OSBPL10: variants seen among roughly 807,000 people sequenced by gnomAD.
OSBPL10 encodes the protein oxysterol-binding protein-related protein 10.
OSBPL10 carries 49 observed loss-of-function variants against 81.7 expected under a neutral mutation model. That is an observed-to-expected ratio of 0.60 (90% CI 0.48 to 0.76). OSBPL10 has a LOEUF of 0.76. OSBPL10 is among the 30% of genes least tolerant of loss of function. OSBPL10 has a pLI of 0.00. For synonymous variants in OSBPL10, 419 were observed against 383.6 expected, an observed-to-expected ratio of 1.09 and a Z score of -1.08; for missense variants, 923 against 987.8, an observed-to-expected ratio of 0.93 and a Z score of 0.88.
intron 6 of OSBPL10, among the ~76,000 whole-genome samples, chr3:31,729,362 G>A (rs559318871): frequency 6.6e-6 from 1 of 152,228 alleles, no homozygotes; most frequent in East Asian, 1.9e-4. Context: ...TTTGATATGG[G>A]AATTAGGTGC....
chr3:31,865,634 A>G (rs1210218472), intron 3 of OSBPL10, among the ~76,000 whole-genome samples: 3 of 152,194 alleles, frequency 2.0e-5, no homozygotes, highest in Admixed American at 2.0e-4. Flanking sequence ...TATCCAGTCT[A>G]TGGTAGCTTG....
Position 32,007,732 on chromosome 3 carries a change from G to A in OSBPL10, n.298+38759C>T, listed in dbSNP as rs540373885. On this transcript the variant is annotated intron_variant and non_coding_transcript_variant, in intron 2 of 3. Coordinates refer to the OSBPL10 transcript ENST00000479173. Reference sequence around the variant, plus strand: ...TTCTTTCTTTTTTTTTTGAGACAGAGTTTTGCTCTTGTTGCCCAGGCTAGA... The same window carrying A: ...TTCTTTCTTTTTTTTTTGAGACAGAATTTTGCTCTTGTTGCCCAGGCTAGA... 5.3e-5 allele frequency among the ~76,000 whole-genome samples: 8 copies of A among 151,896 alleles called. No individual in the cohort carries two copies. In the South Asian group the frequency reaches 1.7e-3, roughly 32 times the overall value.
chr3:31,892,821 T>C (rs988828253), intron 1 of OSBPL10, among the ~76,000 whole-genome samples: 2 of 152,182 alleles, frequency 1.3e-5, no homozygotes, highest in African/African-American at 4.8e-5. Context: ...TCCACTGGCC[T>C]GAGGTTGCTG....
At chr3:32,077,048 T>C (rs1019891806) in intron 1 of OSBPL10, among the ~76,000 whole-genome samples, 13 of 152,196 alleles carry the variant, frequency 8.5e-5, no homozygotes, top group African/African-American at 2.9e-4. Flanking sequence ...TTGGCCAATT[T>C]GTTAGCCCTA....
At chr3:31,801,922 A>G (rs1699391207) in intron 4 of OSBPL10, among the ~76,000 whole-genome samples, 1 of 151,960 alleles carries the variant, frequency 6.6e-6, no homozygotes, top group Non-Finnish European at 1.5e-5. Context: ...TCCAGGATTC[A>G]AGCAAATTCT....
At chr3:31,760,381 G>A (rs966879293) in intron 4 of OSBPL10, among the ~76,000 whole-genome samples, 1 of 152,158 alleles carries the variant, frequency 6.6e-6, no homozygotes, top group Non-Finnish European at 1.5e-5. Flanking sequence ...TTGGTTCCAG[G>A]ACTCCGCCTG....
chr3:31,681,943 C>T (rs191385163), intron 8 of OSBPL10, among the ~76,000 whole-genome samples: 34 of 152,282 alleles, frequency 2.2e-4, no homozygotes, highest in African/African-American at 7.7e-4. Context: ...TCAAAGTAGC[C>T]CAATACCCAG....
chr3:31,716,993 T>C (rs3792546), intron 6 of OSBPL10: 84,437 of 152,020 alleles, frequency 0.56, 25,995 homozygotes, highest in African/African-American at 0.83. Flanking sequence ...AAGGAAATAA[T>C]CAGGAGCATC....
At chr3:31,902,298 T>C (rs1696269179) in intron 1 of OSBPL10, among the ~76,000 whole-genome samples, 1 of 146,808 alleles carries the variant, frequency 6.8e-6, no homozygotes, top group Non-Finnish European at 1.5e-5. Flanking sequence ...AGTCCCACTC[T>C]GTCGCCCAGG....
rs769531173 is a variant in OSBPL10 at position 31,879,691 on chromosome 3, C to G, written c.421G>C (p.Val141Leu). The G allele has an allele frequency of 6.2e-7, 1 of 1,614,126 alleles. No homozygotes were observed. Among genetic ancestry groups the G allele is most frequent in the Non-Finnish European group, 8.5e-7 (1 of 1,180,016 alleles). Reference sequence around the variant, plus strand: ...AACATCTCTCCATTAGCAGAGTACACCACCAGCATGTGGGGAGCTTCATCG... The same window carrying G: ...AACATCTCTCCATTAGCAGAGTACAGCACCAGCATGTGGGGAGCTTCATCG... ...LSDEAPHMLV[V>L]YSANGEMFKL... The change falls in exon 2 of 12, where the codon GTG (valine) becomes CTG (leucine). Residue 141 changes from valine to leucine, a missense_variant. Val to Leu is a conservative substitution (Grantham distance 32). This residue lies in a region of OSBPL10 where 514 missense variants were observed against 508.0 expected (regional missense o/e 1.01). Coordinates refer to ENST00000396556, the MANE Select transcript of OSBPL10 (RefSeq NM_017784.5).
intron 5 of OSBPL10, among the ~76,000 whole-genome samples, chr3:31,745,062 A>C (rs1697479496): frequency 6.6e-6 from 1 of 152,220 alleles, no homozygotes. Flanking sequence ...AGCCTCATTG[A>C]GCTTCCGCAT....
At position 31,837,319 on chromosome 3, in the gene OSBPL10, AAT is replaced by A. The variant is rs1491124960; in HGVS notation, c.538-7090_538-7089del. Among the ~76,000 whole-genome samples, 133 of 109,148 alleles carry A rather than the reference AAT, an allele frequency of 1.2e-3. No homozygotes were observed. In the South Asian group the frequency reaches 0.014, roughly 12 times the overall value. 71.6% of individuals were successfully genotyped at this position (109,148 alleles called of 152,430 possible). A position where few individuals can be genotyped will look rare whatever the true frequency, so the allele number is the denominator to read the frequency against. ...ATATTCCTAGAATTACAGATCCCCA[AAT>A]TATATATATATATATATATATATAT... On this transcript the variant is annotated intron_variant, in intron 3 of 11. Coordinates refer to ENST00000396556, the MANE Select transcript of OSBPL10 (RefSeq NM_017784.5).
chr3:31,927,073 T>C (rs1697096123), intron 1 of OSBPL10, among the ~76,000 whole-genome samples: 1 of 152,168 alleles, frequency 6.6e-6, no homozygotes, highest in South Asian at 2.1e-4. Flanking sequence ...ATCGTGTCAC[T>C]GCACTCCAGC....
chr3:31,986,603 T>C (rs917254141), intron 2 of OSBPL10, among the ~76,000 whole-genome samples: 6 of 152,140 alleles, frequency 3.9e-5, no homozygotes, highest in Admixed American at 6.5e-5. Flanking sequence ...AAAAAGTTTA[T>C]ATTTTTTTAT....
At chr3:32,071,035 T>C (rs1699824884) in intron 1 of OSBPL10, among the ~76,000 whole-genome samples, 1 of 152,212 alleles carries the variant, frequency 6.6e-6, no homozygotes, top group African/African-American at 2.4e-5. Flanking sequence ...TTATTCAATA[T>C]ATTGATGACC....
At chr3:31,846,818 A>G (rs1700646145) in intron 3 of OSBPL10, among the ~76,000 whole-genome samples, 1 of 151,962 alleles carries the variant, frequency 6.6e-6, no homozygotes, top group Non-Finnish European at 1.5e-5. Flanking sequence ...CCACCTTTCA[A>G]AGCTGGGATG....
At chr3:31,754,149 AC>A (rs5847717) in intron 4 of OSBPL10, among the ~76,000 whole-genome samples, 36,938 of 151,822 alleles carry the variant, frequency 0.24, 5,479 homozygotes, top group Middle Eastern at 0.36. Flanking sequence ...CACAACATAC[AC>A]CTAAAATGAT....
At chr3:32,075,519 A>G (rs1699866578) in intron 1 of OSBPL10, among the ~76,000 whole-genome samples, 1 of 152,186 alleles carries the variant, frequency 6.6e-6, no homozygotes, top group Non-Finnish European at 1.5e-5. Context: ...CATACAAAAC[A>G]GCATCCAGGC....
chr3:31,848,382 G>C (rs190955697), intron 3 of OSBPL10, among the ~76,000 whole-genome samples: 2 of 151,670 alleles, frequency 1.3e-5, no homozygotes, highest in African/African-American at 4.8e-5. Context: ...GCAAGTTCAA[G>C]GTCACGGTGG....
Sources: allele counts gnomAD v4.1 joint callset (sites outside exome capture counted in the v4.1 genomes callset), GRCh38; gene constraint gnomAD v4.1.1; regional missense constraint gnomAD v4.1.1; transcripts MANE v1.5; gene names NCBI Gene and HGNC (gene_info 2026-07-23, HGNC 2026-07-21).